ERBB4: variants seen among roughly 807,000 people sequenced by gnomAD.
ERBB4 encodes receptor tyrosine-protein kinase erbB-4.
ERBB4 carries 42 observed loss-of-function variants against 158.0 expected under a neutral mutation model. The ratio of observed to expected loss-of-function variants is 0.27; its 90% CI spans 0.21 to 0.34. ERBB4 has a LOEUF of 0.34. Among genes scored for constraint, ERBB4 ranks in the 10% least tolerant of loss-of-function variants. The pLI, the probability that ERBB4 is intolerant of heterozygous loss-of-function variation, is 1.00. For missense variants in ERBB4, 1,333 were observed against 1,624.1 expected, an observed-to-expected ratio of 0.82 and a Z score of 3.08; for synonymous variants, 583 against 558.7, an observed-to-expected ratio of 1.04 and a Z score of -0.61.
intron 1 of ERBB4, among the ~76,000 whole-genome samples, chr2:212,287,618 G>C (rs998876174): frequency 5.9e-5 from 9 of 152,026 alleles, no homozygotes; most frequent in African/African-American, 1.9e-4. Context: ...GAGGTATCCA[G>C]TAAGAGGCGT....
intron 2 of ERBB4, among the ~76,000 whole-genome samples, chr2:212,064,376 A>G (rs548386927): frequency 6.6e-6 from 1 of 152,202 alleles, no homozygotes; most frequent in Non-Finnish European, 1.5e-5. Context: ...AGGAACCTAG[A>G]AATCTTTTAC....
intron 1 of ERBB4, among the ~76,000 whole-genome samples, chr2:212,371,839 G>C (rs1411484734): frequency 6.6e-6 from 1 of 151,632 alleles, no homozygotes; most frequent in Non-Finnish European, 1.5e-5. Flanking sequence ...TAAAGAGAAA[G>C]AAAAAAAAGC....
rs149209184 is a variant in ERBB4, at chr2:211,585,081, A to C, written c.2302-22993T>G. On this transcript the variant is annotated intron_variant, in intron 19 of 27. Transcript: ENST00000342788. ...AGACTTCCTTAGGCTGGCCGGGCGC[A>C]GTGGCTCATGCCTGTAATCCCAGCA... Among the ~76,000 whole-genome samples, 780 of 152,138 alleles carry C rather than the reference A, an allele frequency of 5.1e-3. 7 individuals carry two copies. The highest frequency in any genetic ancestry group is 0.018 in the African/African-American group (742 of 41,560).
Position 212,378,487 on chromosome 2 carries a change from T to C in ERBB4, c.82+159962A>G, listed in dbSNP as rs576649860. 7.2e-5 allele frequency among the ~76,000 whole-genome samples: 11 copies of C among 152,028 alleles called. No individual in the cohort carries two copies. In the East Asian group the frequency reaches 2.1e-3, roughly 29 times the overall value. ...TTCTTATGTATGATATAGTCTTCCA[T>C]TGGCCTTTTGTCTCCAGCAAAGATA... On this transcript the variant is annotated intron_variant, in intron 1 of 27. Coordinates refer to ENST00000342788, the MANE Select transcript of ERBB4 (RefSeq NM_005235.3).
At chr2:211,610,084 C>A (rs2069136414) in intron 19 of ERBB4, among the ~76,000 whole-genome samples, 1 of 151,204 alleles carries the variant, frequency 6.6e-6, no homozygotes, top group African/African-American at 2.4e-5. Flanking sequence ...AGTAATTACC[C>A]AACGGTATCA....
chr2:212,191,472 C>CGTGTT (rs2082190950), intron 1 of ERBB4, among the ~76,000 whole-genome samples: 1 of 134,722 alleles, frequency 7.4e-6, no homozygotes, highest in Non-Finnish European at 1.6e-5. Context: ...ATATATAACA[C>CGTGTT]ATGTGTTATA....
chr2:211,914,049 C>CAAAAAAA (rs74891191), intron 3 of ERBB4, among the ~76,000 whole-genome samples: 2 of 93,272 alleles, frequency 2.1e-5, no homozygotes, highest in Non-Finnish European at 4.8e-5. Context: ...CTTGGAATGA[C>CAAAAAAA]AAAAAAAAAA....
chr2:211,972,111 C>A (rs1365407885), intron 2 of ERBB4, among the ~76,000 whole-genome samples: 1 of 152,016 alleles, frequency 6.6e-6, no homozygotes, highest in Non-Finnish European at 1.5e-5. Flanking sequence ...TCCTATACAC[C>A]AACAACAGTC....
intron 24 of ERBB4, 121 bp from the exon 25 acceptor site, chr2:211,420,732 A>T: frequency 1.1e-6 from 1 of 901,168 alleles, no homozygotes; most frequent in South Asian, 1.4e-5. Flanking sequence ...CACACATTTT[A>T]AAAAAACAAG....
chr2:212,039,195 G>T (rs2125367774), intron 2 of ERBB4, among the ~76,000 whole-genome samples: 1 of 152,204 alleles, frequency 6.6e-6, no homozygotes, highest in South Asian at 2.1e-4. Flanking sequence ...GCCTAGCAGA[G>T]GAAAGAGAAG....
At chr2:211,644,192 GT>G in intron 16 of ERBB4, among the ~76,000 whole-genome samples, 1 of 151,920 alleles carries the variant, frequency 6.6e-6, no homozygotes, top group Non-Finnish European at 1.5e-5. Flanking sequence ...TTTAAATTAT[GT>G]TTTTAACTTA....
At chr2:211,913,893 C>T (rs1315573972) in intron 3 of ERBB4, among the ~76,000 whole-genome samples, 1 of 150,380 alleles carries the variant, frequency 6.6e-6, no homozygotes, top group Non-Finnish European at 1.5e-5. Context: ...ATGAACACCT[C>T]AAATAAAACA....
chr2:211,522,549 G>A (rs2066217764), intron 20 of ERBB4, among the ~76,000 whole-genome samples: 1 of 152,106 alleles, frequency 6.6e-6, no homozygotes, highest in African/African-American at 2.4e-5. Context: ...AGTTGATGGA[G>A]GAGCAGCAGG....
At chr2:212,218,607 A>C (rs528107833) in intron 1 of ERBB4, among the ~76,000 whole-genome samples, 1 of 151,478 alleles carries the variant, frequency 6.6e-6, no homozygotes, top group East Asian at 1.9e-4. Context: ...AACACTGTTC[A>C]TCATTAATCC....
chr2:211,587,481 G>A (rs1340696208), intron 19 of ERBB4, among the ~76,000 whole-genome samples: 1 of 152,128 alleles, frequency 6.6e-6, no homozygotes, highest in Admixed American at 6.5e-5. Flanking sequence ...GAAGCCGGAG[G>A]ATTGCAGCGA....
chr2:211,658,065 T>C (rs1165736487), intron 15 of ERBB4: 2 of 1,083,684 alleles, frequency 1.8e-6, no homozygotes, highest in Non-Finnish European at 2.7e-6. Flanking sequence ...GTAAAATAAA[T>C]ATTGATTGTC....
chr2:212,282,102 A>T (rs979042), intron 1 of ERBB4, among the ~76,000 whole-genome samples: 1 of 151,656 alleles, frequency 6.6e-6, no homozygotes, highest in Non-Finnish European at 1.5e-5. Flanking sequence ...TTATCATAAT[A>T]TTCTCTGATG....
rs76686474 is a variant in ERBB4, at chr2:211,760,314, A to G, written c.557-9610T>C. Among the ~76,000 whole-genome samples, 138 of 152,330 alleles carry G rather than the reference A, an allele frequency of 9.1e-4. 2 individuals are homozygous for G. The East Asian group carries it at 0.025, about 28-fold the overall frequency. ...GTCCTAGCTCCAGGAGTGTGCCAAA[A>G]GCTTCTGTACACATCTATCATATTT... is the stretch of plus-strand genomic sequence containing the variant. On this transcript the variant is annotated intron_variant, in intron 4 of 27. Transcript: ENST00000342788.
chr2:212,217,474 G>A (rs1473410024), intron 1 of ERBB4, among the ~76,000 whole-genome samples: 2 of 151,134 alleles, frequency 1.3e-5, no homozygotes, highest in Non-Finnish European at 3.0e-5. Flanking sequence ...CAAAACAAAA[G>A]GGCAGACAAT....
Sources: allele counts gnomAD v4.1 joint callset (sites outside exome capture counted in the v4.1 genomes callset), GRCh38; gene constraint gnomAD v4.1.1; transcripts MANE v1.5; gene names NCBI Gene and HGNC (gene_info 2026-07-23, HGNC 2026-07-21).